Variants in TTC23 observed in about 807,000 individuals in gnomAD.
TTC23 encodes tetratricopeptide repeat domain 23.
Under a neutral mutation model 55.1 loss-of-function variants are expected in TTC23, and 58 were observed. That is an observed-to-expected ratio of 1.05 (90% confidence interval 0.85 to 1.31). The LOEUF (loss-of-function observed/expected upper bound fraction) is 1.31. Among genes scored for constraint, TTC23 ranks in the 50% most tolerant of loss-of-function variants. TTC23 has a pLI of 0.00. For synonymous variants in TTC23, 203 were observed against 199.9 expected (o/e 1.02, Z -0.13); for missense variants, 516 against 534.4 (o/e 0.97, Z 0.34).
Position 99,219,024 on chromosome 15 carries a change from T to G in TTC23, c.329A>C (p.His110Pro), listed in dbSNP as rs1461949989. ...LKGLSLQAKQHAEKARQILAN... is the reference protein window; with the variant it reads ...LKGLSLQAKQPAEKARQILAN... ...GAGGATTTGTCTGGCTTTTTCTGCA[T>G]GTTGTTTTGCTTGCAGTGACAGTCC... is the stretch of plus-strand genomic sequence containing the variant. Residue 110 changes from histidine (H) to proline (P), a missense_variant, in exon 7 of 14, where the codon CAT (histidine) becomes CCT (proline). By Grantham distance (77) the His-to-Pro change is moderately conservative (BLOSUM62 -2). Transcript: ENST00000394132. 6.2e-7 allele frequency: 1 copy of G among 1,614,080 alleles called. No individual in the cohort carries two copies. Among genetic ancestry groups the G allele is most frequent in the East Asian group, 2.2e-5 (1 of 44,892 alleles).
intron 8 of TTC23, among the ~76,000 whole-genome samples, chr15:99,214,214 A>G (rs1372349692): frequency 6.6e-6 from 1 of 152,112 alleles, no homozygotes; most frequent in Admixed American, 6.6e-5. Context: ...CCTGGGCTCA[A>G]GAGATCCTCC....
At chr15:99,222,599 GCA>G (rs2078038920) in intron 5 of TTC23, among the ~76,000 whole-genome samples, 1 of 152,204 alleles carries the variant, frequency 6.6e-6, no homozygotes, top group Admixed American at 6.5e-5. Context: ...GCAGCAAGAA[GCA>G]CAGTTTCATT....
chr15:99,206,314 C>T (rs80260407), intron 8 of TTC23, among the ~76,000 whole-genome samples: 2,913 of 152,134 alleles, frequency 0.019, 94 homozygotes, highest in African/African-American at 0.066. Context: ...TGAGACAACG[C>T]GGACCTCATA....
At chr15:99,215,898 A>C (rs1302037562) in intron 8 of TTC23, among the ~76,000 whole-genome samples, 1 of 152,202 alleles carries the variant, frequency 6.6e-6, no homozygotes, top group Non-Finnish European at 1.5e-5. Context: ...TGGCAGGAGA[A>C]AAGGAAATTT....
At chr15:99,220,376 A>G (rs1197859141) in intron 6 of TTC23, among the ~76,000 whole-genome samples, 1 of 152,240 alleles carries the variant, frequency 6.6e-6, no homozygotes, top group Non-Finnish European at 1.5e-5. Flanking sequence ...TGTCACGCAG[A>G]GAGGCAGCAG....
chr15:99,250,991 G>A (rs1029799238), upstream of TTC23, among the ~76,000 whole-genome samples: 1 of 152,158 alleles, frequency 6.6e-6, no homozygotes, highest in Non-Finnish European at 1.5e-5. Flanking sequence ...AGGGTTCAAC[G>A]AGATAATCTA....
intron 12 of TTC23, chr15:99,139,621 T>C (rs2067985791): frequency 6.6e-7 from 1 of 1,516,532 alleles, no homozygotes; most frequent in African/African-American, 1.4e-5. Flanking sequence ...CAAAACTCTC[T>C]GTGACTATCT....
intron 5 of TTC23, among the ~76,000 whole-genome samples, chr15:99,225,223 T>G (rs1290103172): frequency 6.6e-6 from 1 of 152,176 alleles, no homozygotes; most frequent in Admixed American, 6.5e-5. Flanking sequence ...ACGTCCTTAT[T>G]TGTTACAAGG....
chr15:99,204,637 T>TTTTTTG lies in TTC23; in HGVS notation c.582-4542_582-4541insCAAAAA, dbSNP rs1432957682. Among the ~76,000 whole-genome samples the TTTTTTG allele has an allele frequency of 1.1e-4, 14 of 125,132 alleles. 1 individual carries two copies. Among genetic ancestry groups the TTTTTTG allele is most frequent in the African/African-American group, 4.5e-4 (13 of 29,162 alleles). The allele number at this position is 125,132 out of a possible 152,430, so 82.1% of individuals were successfully genotyped here. On this transcript the variant is annotated intron_variant, in intron 8 of 13. Coordinates refer to ENST00000394132, the MANE Select transcript of TTC23 (RefSeq NM_001288615.3). ...GTTTCAGTCTTAGATTTAAGGTTTTTTTTTTTTTTTTTTTTTTTAGACAGG... is the reference window on the plus strand; with the variant it reads ...GTTTCAGTCTTAGATTTAAGGTTTTTTTTTTGTTTTTTTTTTTTTTTTTTAGACAGG...
At chr15:99,233,685 G>C (rs1292236132) in intron 4 of TTC23, among the ~76,000 whole-genome samples, 1 of 152,112 alleles carries the variant, frequency 6.6e-6, no homozygotes, top group Non-Finnish European at 1.5e-5. Context: ...TCAGAAACAA[G>C]ACAAGAAGGT....
At position 99,245,530 on chromosome 15, in the gene TTC23, GAATT is replaced by G. The variant is rs1417883025; in HGVS notation, c.-430-24_-430-21del. 1 of 135,912 alleles carries G rather than the reference GAATT, an allele frequency of 7.4e-6. No individual in the cohort carries two copies. Among genetic ancestry groups the G allele is most frequent in the Non-Finnish European group, 1.6e-5 (1 of 62,610 alleles). 8.4% of individuals were successfully genotyped at this position (135,912 alleles called of 1,614,324 possible). ...CTCCATCTCAAAAAAAAAAAAAAAA[GAATT>G]AATATATAGAAAAATGGGATAGTGT... is the stretch of plus-strand genomic sequence containing the variant. On this transcript the variant is annotated intron_variant, in intron 1 of 13. Coordinates refer to ENST00000394132, the MANE Select transcript of TTC23 (RefSeq NM_001288615.3).
chr15:99,235,444 C>T (rs2079243069), intron 3 of TTC23, among the ~76,000 whole-genome samples: 1 of 150,288 alleles, frequency 6.7e-6, no homozygotes, highest in African/African-American at 2.5e-5. Flanking sequence ...GATCTCGGCT[C>T]ACTGCAATCT....
upstream of TTC23, among the ~76,000 whole-genome samples, chr15:99,250,817 GTCC>G (rs2080674342): frequency 6.6e-6 from 1 of 152,110 alleles, no homozygotes; most frequent in Admixed American, 6.5e-5. Context: ...ACTAGGTTAC[GTCC>G]TCCTCATCTT....
intron 8 of TTC23, among the ~76,000 whole-genome samples, chr15:99,208,377 T>C (rs578056951): frequency 2.6e-5 from 4 of 152,218 alleles, no homozygotes; most frequent in African/African-American, 9.6e-5. Flanking sequence ...AATAAAATGG[T>C]ATTGGGAAGA....
At chr15:99,226,888 G>A (rs1281624521) in intron 5 of TTC23, among the ~76,000 whole-genome samples, 2 of 152,172 alleles carry the variant, frequency 1.3e-5, no homozygotes, top group African/African-American at 2.4e-5. Context: ...AATGTTGATT[G>A]CCTCTCAGGT....
intron 5 of TTC23, among the ~76,000 whole-genome samples, chr15:99,223,413 G>T (rs762964694): frequency 6.6e-6 from 1 of 152,222 alleles, no homozygotes; most frequent in Non-Finnish European, 1.5e-5. Context: ...AGACACCAGG[G>T]ATGGGCATGC....
chr15:99,231,817 A>T (rs935905188), intron 4 of TTC23, among the ~76,000 whole-genome samples: 5 of 147,742 alleles, frequency 3.4e-5, no homozygotes, highest in Admixed American at 6.8e-5. Context: ...TTTGAGACGG[A>T]GTTTCACTGT....
At chr15:99,153,223 A>T (rs190482925) in intron 12 of TTC23, among the ~76,000 whole-genome samples, 179 of 152,376 alleles carry the variant, frequency 1.2e-3, no homozygotes, top group Non-Finnish European at 1.9e-3. Flanking sequence ...TTAAATTATT[A>T]AAAATGATTG....
intron 4 of TTC23, among the ~76,000 whole-genome samples, chr15:99,234,554 A>C (rs1389054327): frequency 6.6e-6 from 1 of 151,972 alleles, no homozygotes; most frequent in Non-Finnish European, 1.5e-5. Context: ...TTGTATTTTT[A>C]GTAGAGACAG....
Sources: allele counts gnomAD v4.1 joint callset (sites outside exome capture counted in the v4.1 genomes callset), GRCh38; gene constraint gnomAD v4.1.1; transcripts MANE v1.5; gene names NCBI Gene and HGNC (gene_info 2026-07-23, HGNC 2026-07-21).